The following PLEKHD1 variants were observed in gnomAD, a reference collection of about 807,000 sequenced individuals.
The protein encoded by PLEKHD1 is pleckstrin homology and coiled-coil domain containing D1, also known as pleckstrin homology domain-containing family D member 1.
PLEKHD1 carries 51 observed loss-of-function variants against 69.2 expected under a neutral mutation model. The observed-to-expected ratio is 0.74, with a 90% CI of 0.59 to 0.93. The LOEUF (loss-of-function observed/expected upper bound fraction) is 0.93. PLEKHD1 is among the 40% of genes least tolerant of loss of function. The pLI is 0.00. For synonymous variants in PLEKHD1, 236 were observed against 244.7 expected (o/e 0.96, Z 0.33); for missense variants, 584 against 641.0 (o/e 0.91, Z 0.96).
At chr14:69,509,904 C>T (rs993072518) in intron 6 of PLEKHD1, among the ~76,000 whole-genome samples, 1 of 151,964 alleles carries the variant, frequency 6.6e-6, no homozygotes, top group Non-Finnish European at 1.5e-5. Context: ...CACCACTGCA[C>T]CCCAGCCTGG....
upstream of PLEKHD1, among the ~76,000 whole-genome samples, chr14:69,479,962 A>C (rs1882513906): frequency 6.6e-6 from 1 of 152,226 alleles, no homozygotes; most frequent in Non-Finnish European, 1.5e-5. Context: ...GCACCTGAAC[A>C]GAGGCTAAGC....
At chr14:69,498,840 G>A (rs1302557124) in intron 1 of PLEKHD1, among the ~76,000 whole-genome samples, 1 of 151,848 alleles carries the variant, frequency 6.6e-6, no homozygotes, top group Non-Finnish European at 1.5e-5. Context: ...TAGAGATGGG[G>A]TTTCACCATA....
chr14:69,500,580 G>A lies in PLEKHD1; in HGVS notation c.247G>A (p.Val83Ile), dbSNP rs373575975. The change falls in exon 3 of 13, where the codon GTC becomes ATC. Residue 83 changes from valine to isoleucine, a missense_variant. Physicochemically the swap from Val to Ile is conservative, Grantham distance 29. Transcript: ENST00000322564. ...NKYFNIHPKGVIPLGGCLVEP... is the reference protein window; with the variant it reads ...NKYFNIHPKGIIPLGGCLVEP... ...GCCTGTTCTGGTTCTTCCTCAGGGC[G>A]TCATCCCTCTGGGGGGCTGCCTGGT... is the stretch of plus-strand genomic sequence containing the variant. 43 of 1,548,748 alleles carry A rather than the reference G, an allele frequency of 2.8e-5. No homozygotes were observed. The highest frequency in any genetic ancestry group is 1.1e-4 in the South Asian group (9 of 83,574).
intron 6 of PLEKHD1, among the ~76,000 whole-genome samples, chr14:69,510,402 T>C (rs1005681682): frequency 1.3e-5 from 2 of 152,238 alleles, no homozygotes; most frequent in African/African-American, 4.8e-5. Context: ...ATTTTGTACA[T>C]TATTTTTAGA....
At chr14:69,483,920 A>G (rs1408310917), upstream of PLEKHD1, among the ~76,000 whole-genome samples, 1 of 152,214 alleles carries the variant, frequency 6.6e-6, no homozygotes, top group African/African-American at 2.4e-5. Flanking sequence ...CCCAAACGCC[A>G]ACTCCGAAAG....
rs774950801 is a variant in PLEKHD1 at position 69,500,165 on chromosome 14, A to C, written c.200A>C (p.Lys67Thr). 6.4e-7 allele frequency: 1 copy of C among 1,550,950 alleles called. No individual in the cohort carries two copies. Among genetic ancestry groups the C allele is most frequent in the South Asian group, 1.2e-5 (1 of 84,052 alleles). ...CTGCTTTACTACTCTGAGAGCGAAA[A>C]AAAGAGCTTTGAAACCAATAAATAC... Reference protein sequence around the residue: ...SFLLYYSESEKKSFETNKYFN... With the variant: ...SFLLYYSESETKSFETNKYFN... The change falls in exon 2 of 13, where the codon AAA becomes ACA. Residue 67 changes from lysine to threonine, a missense_variant. Coordinates refer to ENST00000322564, the MANE Select transcript of PLEKHD1 (RefSeq NM_001161498.2).
At chr14:69,479,858 C>T (rs375343567), upstream of PLEKHD1, among the ~76,000 whole-genome samples, 12 of 152,086 alleles carry the variant, frequency 7.9e-5, no homozygotes, top group Admixed American at 2.6e-4. Context: ...CCAACCCCCC[C>T]GCCACACACA....
At chr14:69,474,347 AG>A in the PLEKHD1 span, among the ~76,000 whole-genome samples, 1 of 152,166 alleles carries the variant, frequency 6.6e-6, no homozygotes, top group Non-Finnish European at 1.5e-5. Context: ...GACCTCAGAT[AG>A]GGGGAAATGA....
In PLEKHD1 at chr14:69,500,943, A is replaced by T; in HGVS notation, c.406A>T (p.Lys136Ter). 6.4e-7 allele frequency: 1 copy of T among 1,551,374 alleles called. No homozygotes were observed. Among genetic ancestry groups the T allele is most frequent in the Non-Finnish European group, 8.7e-7 (1 of 1,146,936 alleles). Reference protein sequence around the residue: ...QWLEMLQESGKVTWKNAQLGE... With the variant: ...QWLEMLQESG ...GCTGGAGATGCTGCAGGAGTCTGGG[A>T]AGGTGTAAGTGCTCACAGCCAGGAG... The change falls in exon 4 of 13, where the codon AAG becomes TAG. Residue 136 changes from lysine (K) to a stop codon, truncating the protein, a stop_gained. Coordinates refer to ENST00000322564, the MANE Select transcript of PLEKHD1 (RefSeq NM_001161498.2). LOFTEE classifies it high-confidence loss of function.
At chr14:69,477,218 G>A in the PLEKHD1 span, among the ~76,000 whole-genome samples, 2 of 152,008 alleles carry the variant, frequency 1.3e-5, no homozygotes, top group African/African-American at 4.8e-5. Flanking sequence ...TCACCACATT[G>A]GTCAGGCTGG....
chr14:69,522,316 G>C lies in PLEKHD1; in HGVS notation c.589G>C (p.Glu197Gln), dbSNP rs915698232. 6.4e-7 allele frequency: 1 copy of C among 1,551,594 alleles called. No individual in the cohort carries two copies. Among genetic ancestry groups the C allele is most frequent in the Admixed American group, 2.0e-5 (1 of 51,006 alleles). ...GCGCCTTAACCAGGTGCTGGAGGCC[G>C]AGAAGCAGCAGTTCGAGGAGGTGGT... The part of the protein sequence containing the change: ...LERLNQVLEA[E>Q]KQQFEEVVQE... Residue 197 changes from glutamate to glutamine, a missense_variant, in exon 7 of 13, where the codon GAG becomes CAG. Physicochemically the swap from Glu to Gln is conservative, Grantham distance 29. Transcript: ENST00000322564.
intron 1 of PLEKHD1, among the ~76,000 whole-genome samples, chr14:69,486,203 A>G (rs1882652400): frequency 1.3e-5 from 2 of 152,150 alleles, no homozygotes; most frequent in Non-Finnish European, 2.9e-5. Flanking sequence ...GGGGGCCTCC[A>G]ATGTTCCCAG....
chr14:69,503,666 G>C (rs1343607588), intron 6 of PLEKHD1: 1 of 145,126 alleles, frequency 6.9e-6, no homozygotes, highest in Non-Finnish European at 1.5e-5. Context: ...ACTCCAGCCT[G>C]GGCGACAGAG....
chr14:69,482,915 G>GA (rs370781844), upstream of PLEKHD1, among the ~76,000 whole-genome samples: 2 of 146,296 alleles, frequency 1.4e-5, no homozygotes, highest in Non-Finnish European at 3.0e-5. Flanking sequence ...AAGAAAGAAA[G>GA]AAAAAAAGAA....
rs779059681 is a variant in PLEKHD1 at position 69,500,607 on chromosome 14, G to A, written c.274G>A (p.Glu92Lys). 15 of 1,551,122 alleles carry A rather than the reference G, an allele frequency of 9.7e-6. No homozygotes were observed. The highest frequency in any genetic ancestry group is 1.2e-5 in the Non-Finnish European group (14 of 1,146,766). The part of the protein sequence containing the change: ...GVIPLGGCLV[E>K]PKEEPSMPYA... ...CATCCCTCTGGGGGGCTGCCTGGTG[G>A]AGCCCAAGGAAGAGCCTAGCATGCC... is the stretch of plus-strand genomic sequence containing the variant. Residue 92 changes from glutamate (E) to lysine (K), a missense_variant, in exon 3 of 13, where the codon GAG becomes AAG. Coordinates refer to ENST00000322564, the MANE Select transcript of PLEKHD1 (RefSeq NM_001161498.2).
At chr14:69,488,427 C>T (rs941187951) in intron 1 of PLEKHD1, among the ~76,000 whole-genome samples, 6 of 152,170 alleles carry the variant, frequency 3.9e-5, no homozygotes, top group African/African-American at 1.4e-4. Flanking sequence ...ACCCTGGTGA[C>T]CCTGGGGTTT....
intron 9 of PLEKHD1, 63 bp from the exon 10 acceptor site, chr14:69,526,634 C>T (rs919942404): frequency 3.5e-6 from 5 of 1,433,124 alleles, no homozygotes; most frequent in Middle Eastern, 1.8e-4. Context: ...GAGGAGCTGT[C>T]CATCCATTGG....
rs1398854068 is a variant in PLEKHD1, at chr14:69,528,436, G to A, written c.*17G>A. On this transcript the variant is annotated 3_prime_UTR_variant, in exon 13 of 13. Coordinates refer to ENST00000322564, the MANE Select transcript of PLEKHD1 (RefSeq NM_001161498.2). ...GGAAAGTGATGGGCGCTCCTCCCCT[G>A]CTTCCCAAGTCTCCCCTGGATGGGC... 1.3e-6 allele frequency: 2 copies of A among 1,548,282 alleles called. No individual in the cohort carries two copies. The highest frequency in any genetic ancestry group is 2.4e-5 in the South Asian group (2 of 83,910).
chr14:69,471,127 G>C, the PLEKHD1 span, among the ~76,000 whole-genome samples: 1 of 73,264 alleles, frequency 1.4e-5, no homozygotes, highest in Non-Finnish European at 2.4e-5. Context: ...TTTTTTTTGA[G>C]ACAGGGTCTT....
Sources: allele counts gnomAD v4.1 joint callset (sites outside exome capture counted in the v4.1 genomes callset), GRCh38; gene constraint gnomAD v4.1.1; transcripts MANE v1.5; gene names NCBI Gene and HGNC (gene_info 2026-07-23, HGNC 2026-07-21).